ELMO1: variants seen among roughly 807,000 people sequenced by gnomAD.
ELMO1 encodes the protein engulfment and cell motility 1, also known as engulfment and cell motility protein 1.
Under a neutral mutation model 98.9 loss-of-function variants are expected in ELMO1, and 26 were observed. The ratio of observed to expected loss-of-function variants is 0.26; its 90% confidence interval spans 0.19 to 0.36. The LOEUF (loss-of-function observed/expected upper bound fraction) is 0.36. ELMO1 is among the 10% of genes least tolerant of loss of function. ELMO1 has a pLI of 1.00. For synonymous variants in ELMO1, 346 were observed against 346.0 expected (o/e 1.00, Z 0.00); for missense variants, 627 against 935.2 (o/e 0.67, Z 4.30).
At chr7:37,216,489 T>A (rs1405676408) in intron 11 of ELMO1, among the ~76,000 whole-genome samples, 156 bp downstream of exon 11, 1 of 152,162 alleles carries the variant, frequency 6.6e-6, no homozygotes, top group Non-Finnish European at 1.5e-5. Flanking sequence ...TTTATTCCAA[T>A]TCCAAAAACT....
At chr7:37,417,413 G>C (rs541014459) in intron 1 of ELMO1, among the ~76,000 whole-genome samples, 1 of 152,284 alleles carries the variant, frequency 6.6e-6, no homozygotes, top group Admixed American at 6.5e-5. Context: ...TGTAATCCCA[G>C]CACTTTCGGA....
At chr7:37,187,493 CTCAG>C (rs1334297250) in intron 13 of ELMO1, among the ~76,000 whole-genome samples, 2 of 152,112 alleles carry the variant, frequency 1.3e-5, no homozygotes, top group African/African-American at 2.4e-5. Flanking sequence ...GAGTTATGTT[CTCAG>C]TTTTACAAAT....
intron 1 of ELMO1, among the ~76,000 whole-genome samples, chr7:37,448,413 A>C (rs1183031830): frequency 1.5e-5 from 2 of 131,364 alleles, no homozygotes; most frequent in South Asian, 2.6e-4. Context: ...CTCCGCTCCC[A>C]CTCCCACTCC....
intron 15 of ELMO1, among the ~76,000 whole-genome samples, chr7:37,031,458 C>A (rs140495582): frequency 0.01 from 1,537 of 152,292 alleles, 11 homozygotes; most frequent in Non-Finnish European, 0.014. Flanking sequence ...GCTTTTCCCT[C>A]TGCCTTAATC....
chr7:36,981,358 T>C (rs962782213), intron 16 of ELMO1, among the ~76,000 whole-genome samples: 1 of 151,934 alleles, frequency 6.6e-6, no homozygotes, highest in Non-Finnish European at 1.5e-5. Context: ...TGGTGAGTTT[T>C]ACATTAAAAT....
chr7:37,366,632 G>A (rs923968587), intron 1 of ELMO1, among the ~76,000 whole-genome samples: 17 of 152,056 alleles, frequency 1.1e-4, no homozygotes, highest in African/African-American at 3.6e-4. Flanking sequence ...AGAATCTCCC[G>A]TCCTCACACA....
At chr7:37,069,649 T>C (rs1173939768) in intron 15 of ELMO1, among the ~76,000 whole-genome samples, 2 of 152,210 alleles carry the variant, frequency 1.3e-5, no homozygotes, top group Non-Finnish European at 2.9e-5. Context: ...ACAAGCACTT[T>C]TAGCTCAATC....
chr7:37,231,629 T>C (rs1292060587), intron 8 of ELMO1, among the ~76,000 whole-genome samples: 1 of 152,190 alleles, frequency 6.6e-6, no homozygotes, highest in Non-Finnish European at 1.5e-5. Context: ...CCTGAGGGAC[T>C]GTCACAGACT....
intron 18 of ELMO1, among the ~76,000 whole-genome samples, chr7:36,883,918 G>C (rs984912466): frequency 6.6e-6 from 1 of 152,178 alleles, no homozygotes; most frequent in African/African-American, 2.4e-5. Context: ...CCATGCCAAG[G>C]ATTCTGCGAC....
chr7:37,110,865 C>T (rs1425275431), intron 14 of ELMO1, among the ~76,000 whole-genome samples: 2 of 152,224 alleles, frequency 1.3e-5, no homozygotes, highest in Non-Finnish European at 2.9e-5. Flanking sequence ...CAAGCAGCTG[C>T]ACCCTTGCAT....
intron 16 of ELMO1, among the ~76,000 whole-genome samples, chr7:36,994,105 G>A (rs747264835): frequency 2.7e-4 from 41 of 152,166 alleles, no homozygotes; most frequent in Admixed American, 5.2e-4. Flanking sequence ...TTAACATGTC[G>A]CCCTGTGTTT....
intron 2 of ELMO1, among the ~76,000 whole-genome samples, chr7:37,321,449 G>T (rs1799488469): frequency 6.6e-6 from 1 of 151,872 alleles, no homozygotes; most frequent in African/African-American, 2.4e-5. Context: ...CGGGCGCGGT[G>T]GTTCACGCTT....
chr7:36,953,837 TTTTGTGTGTG>T (rs1788204051), intron 16 of ELMO1, among the ~76,000 whole-genome samples: 1 of 132,334 alleles, frequency 7.6e-6, no homozygotes, highest in Non-Finnish European at 1.6e-5. Flanking sequence ...TATGGGTATG[TTTTGTGTGTG>T]TGTGTGTGTG....
intron 16 of ELMO1, among the ~76,000 whole-genome samples, chr7:36,998,549 CTA>C (rs760698674): frequency 2.6e-5 from 4 of 151,904 alleles, no homozygotes; most frequent in Non-Finnish European, 2.9e-5. Context: ...ATGTCTGTAT[CTA>C]TATCTGTATA....
intron 14 of ELMO1, among the ~76,000 whole-genome samples, chr7:37,102,671 G>A (rs1465389534): frequency 2.6e-5 from 4 of 152,182 alleles, no homozygotes; most frequent in Non-Finnish European, 4.4e-5. Context: ...TTCCACACAC[G>A]TGTACCAGCA....
At chr7:37,131,568 G>T (rs1786920307) in intron 14 of ELMO1, among the ~76,000 whole-genome samples, 1 of 152,102 alleles carries the variant, frequency 6.6e-6, no homozygotes, top group African/African-American at 2.4e-5. Flanking sequence ...TTTCTACTTA[G>T]CTTCTACTTT....
intron 16 of ELMO1, among the ~76,000 whole-genome samples, chr7:36,897,066 T>C (rs1489642062): frequency 6.6e-6 from 1 of 152,200 alleles, no homozygotes; most frequent in African/African-American, 2.4e-5. Flanking sequence ...TTCCCTCATG[T>C]CATGTGTTTC....
chr7:36,957,041 T>C (rs1788512167), intron 16 of ELMO1, among the ~76,000 whole-genome samples: 1 of 152,260 alleles, frequency 6.6e-6, no homozygotes, highest in African/African-American at 2.4e-5. Context: ...CAAAGCTATT[T>C]AAGGGCTGTC....
Position 37,183,473 on chromosome 7 carries a change from G to A in ELMO1, c.1086+27913C>T, listed in dbSNP as rs111473775. On this transcript the variant is annotated intron_variant, in intron 13 of 21. Coordinates refer to ENST00000310758, the MANE Select transcript of ELMO1 (RefSeq NM_014800.11). The stretch of plus-strand genomic sequence containing the variant: ...CAGAGCCCCAAAGCTTTATTTGTTC[G>A]TGCACTACACATGAATCCAACTTTT... 3.6e-3 allele frequency among the ~76,000 whole-genome samples: 551 copies of A among 152,244 alleles called. 3 individuals carry two copies. The highest frequency in any genetic ancestry group is 0.014 in the Middle Eastern group (4 of 294).
Sources: allele counts gnomAD v4.1 joint callset (sites outside exome capture counted in the v4.1 genomes callset), GRCh38; gene constraint gnomAD v4.1.1; transcripts MANE v1.5; gene names NCBI Gene and HGNC (gene_info 2026-07-23, HGNC 2026-07-21).